Variants in MDGA2 observed in about 807,000 individuals in gnomAD.
MDGA2 encodes MAM domain-containing glycosylphosphatidylinositol anchor protein 2.
A neutral mutation model predicts 117.8 loss-of-function variants in MDGA2; 40 were observed. That is an observed-to-expected ratio of 0.34 (90% CI 0.26 to 0.44). MDGA2 has a LOEUF of 0.44. Ranked by LOEUF, MDGA2 falls within the 20% of genes least tolerant of loss-of-function variation. MDGA2 has a pLI of 1.00. For synonymous variants in MDGA2, 452 were observed against 439.0 expected (o/e 1.03, Z -0.37); for missense variants, 1,123 against 1,250.6 (o/e 0.90, Z 1.54).
chr14:47,240,826 C>T (rs1887015352), intron 2 of MDGA2, among the ~76,000 whole-genome samples: 4 of 151,866 alleles, frequency 2.6e-5, no homozygotes, highest in Admixed American at 2.6e-4. Context: ...TTAGCCAACT[C>T]TCTTGAAAGC....
At chr14:47,485,099 G>A (rs1894032170) in intron 1 of MDGA2, among the ~76,000 whole-genome samples, 1 of 152,034 alleles carries the variant, frequency 6.6e-6, no homozygotes, top group South Asian at 2.1e-4. Flanking sequence ...CAGTTTGGAG[G>A]GCTCAGAAGA....
intron 2 of MDGA2, among the ~76,000 whole-genome samples, chr14:47,269,341 C>T (rs1234065382): frequency 6.6e-6 from 1 of 152,132 alleles, no homozygotes; most frequent in Non-Finnish European, 1.5e-5. Context: ...AAGTCAGTTA[C>T]TTTCTCATGT....
At chr14:47,178,899 C>T (rs888488851) in intron 3 of MDGA2, among the ~76,000 whole-genome samples, 1 of 152,008 alleles carries the variant, frequency 6.6e-6, no homozygotes, top group African/African-American at 2.4e-5. Flanking sequence ...ATACAGTATA[C>T]AAGTACCTTA....
chr14:47,119,169 G>GCTCCCCCCC (rs1225981074), intron 5 of MDGA2, among the ~76,000 whole-genome samples: 1 of 19,400 alleles, frequency 5.2e-5, no homozygotes, highest in African/African-American at 1.4e-4. Flanking sequence ...TCCTGCCTCA[G>GCTCCCCCCC]CCCCGCCCCC....
At chr14:46,847,981 T>C (rs1880909130) in intron 15 of MDGA2, among the ~76,000 whole-genome samples, 1 of 152,002 alleles carries the variant, frequency 6.6e-6, no homozygotes, top group South Asian at 2.1e-4. Flanking sequence ...AATGTTAGAG[T>C]AAATCAATAG....
chr14:46,964,947 A>G lies in MDGA2; in HGVS notation c.1820-7304T>C, dbSNP rs1202076083. Among the ~76,000 whole-genome samples the G allele has an allele frequency of 3.0e-4, 19 of 62,410 alleles. 2 individuals are homozygous for G. In the African/African-American group the frequency reaches 3.2e-3, roughly 10 times the overall value. The allele number at this position is 62,410 out of a possible 152,430, so 40.9% of individuals were successfully genotyped here. On this transcript the variant is annotated intron_variant, in intron 8 of 16. Transcript: ENST00000399232. ...TTTTTTTTTTTTTTTTTTTTGAGAC[A>G]GAGTCTCGCTCTGTCGTCCAGGCTG... is the stretch of plus-strand genomic sequence containing the variant.
At chr14:47,255,753 G>C (rs952125454) in intron 2 of MDGA2, among the ~76,000 whole-genome samples, 1 of 151,876 alleles carries the variant, frequency 6.6e-6, no homozygotes. Flanking sequence ...CACATTCCTT[G>C]GTCCTACCCA....
chr14:47,352,152 C>G (rs1890897656), intron 1 of MDGA2, among the ~76,000 whole-genome samples: 1 of 152,058 alleles, frequency 6.6e-6, no homozygotes, highest in Non-Finnish European at 1.5e-5. Context: ...TGTTCTTGAC[C>G]CTGACACCCA....
intron 8 of MDGA2, among the ~76,000 whole-genome samples, chr14:46,986,022 T>A (rs1205224428): frequency 6.6e-6 from 1 of 152,060 alleles, no homozygotes; most frequent in African/African-American, 2.4e-5. Flanking sequence ...ATAAGGAGTG[T>A]TATCTTTGCC....
chr14:46,998,668 C>A (rs969022819), intron 8 of MDGA2, among the ~76,000 whole-genome samples: 1 of 152,022 alleles, frequency 6.6e-6, no homozygotes, highest in African/African-American at 2.4e-5. Flanking sequence ...TAATTAAAAT[C>A]ATTTTTCAAA....
chr14:47,213,828 A>G (rs192199016), intron 3 of MDGA2, among the ~76,000 whole-genome samples: 3 of 152,274 alleles, frequency 2.0e-5, no homozygotes, highest in African/African-American at 7.2e-5. Flanking sequence ...CATGAAAGAA[A>G]GAGGTTTAAT....
At chr14:47,243,574 C>T (rs561191070) in intron 2 of MDGA2, among the ~76,000 whole-genome samples, 91 of 151,590 alleles carry the variant, frequency 6.0e-4, no homozygotes, top group Admixed American at 1.8e-3. Flanking sequence ...GAGGAACGAG[C>T]AACTCCAGAC....
At chr14:47,131,461 T>G (rs559916009) in intron 5 of MDGA2, among the ~76,000 whole-genome samples, 1 of 152,096 alleles carries the variant, frequency 6.6e-6, no homozygotes, top group South Asian at 2.1e-4. Context: ...TTAGTGACAT[T>G]TTAGAATGCA....
intron 2 of MDGA2, among the ~76,000 whole-genome samples, chr14:47,226,874 C>T (rs1886522647): frequency 6.6e-6 from 1 of 152,140 alleles, no homozygotes; most frequent in African/African-American, 2.4e-5. Context: ...CCTTCCATGA[C>T]CGTGAGACTA....
At chr14:47,330,708 C>A (rs542893415) in intron 1 of MDGA2, among the ~76,000 whole-genome samples, 18 of 150,532 alleles carry the variant, frequency 1.2e-4, no homozygotes, top group African/African-American at 4.4e-4. Context: ...TCTACAGCCA[C>A]CAAAAAAAAA....
At chr14:46,890,213 A>G (rs920955610) in intron 10 of MDGA2, among the ~76,000 whole-genome samples, 16 of 151,908 alleles carry the variant, frequency 1.1e-4, no homozygotes, top group African/African-American at 3.9e-4. Flanking sequence ...ACTTTATACA[A>G]TCTATTAAAA....
At chr14:47,320,308 G>C (rs111663620) in intron 1 of MDGA2, among the ~76,000 whole-genome samples, 6,153 of 152,186 alleles carry the variant, frequency 0.04, 166 homozygotes, top group African/African-American at 0.075. Flanking sequence ...ATTGAGCCCA[G>C]GAGTTCAAGG....
intron 1 of MDGA2, among the ~76,000 whole-genome samples, chr14:47,567,797 A>C (rs1016264670): frequency 1.3e-5 from 2 of 152,170 alleles, no homozygotes; most frequent in Non-Finnish European, 2.9e-5. Flanking sequence ...TTTTGATTTT[A>C]ACATTCACCT....
At chr14:47,231,090 T>C (rs969548752) in intron 2 of MDGA2, among the ~76,000 whole-genome samples, 1 of 152,054 alleles carries the variant, frequency 6.6e-6, no homozygotes, top group African/African-American at 2.4e-5. Flanking sequence ...TATTGTAGTC[T>C]TCAATTTGCA....
Sources: gnomAD v4.1 joint callset for allele counts (sites outside exome capture counted in the v4.1 genomes callset) on GRCh38, gnomAD v4.1.1 for gene constraint, MANE v1.5 for transcripts, NCBI Gene and HGNC (gene_info 2026-07-23, HGNC 2026-07-21) for gene names.